Variants in ITGB3BP observed in about 807,000 individuals in gnomAD.
The protein encoded by ITGB3BP is centromere protein R.
Under a neutral mutation model 29.1 loss-of-function variants are expected in ITGB3BP, and 27 were observed. The observed-to-expected ratio is 0.93, with a 90% CI of 0.68 to 1.28. The LOEUF (loss-of-function observed/expected upper bound fraction) is 1.28, where lower values mean the gene tolerates loss of function less well. ITGB3BP is among the 50% of genes most tolerant of loss of function. The pLI, the probability that ITGB3BP is intolerant of heterozygous loss-of-function variation, is 0.00. For missense variants in ITGB3BP, 192 were observed against 200.2 expected, an observed-to-expected ratio of 0.96 and a Z score of 0.25; for synonymous variants, 61 against 61.4, an observed-to-expected ratio of 0.99 and a Z score of 0.03.
chr1:63,445,437 A>G (rs1232592622), intron 8 of ITGB3BP, among the ~76,000 whole-genome samples: 1 of 152,226 alleles, frequency 6.6e-6, no homozygotes, highest in African/African-American at 2.4e-5. Context: ...TCTATATAAG[A>G]TGCTTTGCAA....
intron 4 of ITGB3BP, among the ~76,000 whole-genome samples, chr1:63,467,925 TAA>T (rs1232353854): frequency 6.6e-6 from 1 of 152,188 alleles, no homozygotes; most frequent in African/African-American, 2.4e-5. Context: ...ATTTATCTTT[TAA>T]GACAAAAAGG....
rs61766978 is a variant in ITGB3BP at position 63,473,407 on chromosome 1, C to A, written c.254+5357G>T. 2.7e-5 allele frequency among the ~76,000 whole-genome samples: 3 copies of A among 112,070 alleles called. No homozygotes were observed. In the East Asian group the frequency reaches 9.1e-4, roughly 34 times the overall value. The allele number at this position is 112,070 out of a possible 152,430, so 73.5% of individuals were successfully genotyped here. The stretch of plus-strand genomic sequence containing the variant: ...CCGGGAGGTGAGGGGCTCCTCTGCC[C>A]GGCCGCCCCTACTGGGAAGTGAGGA... On this transcript the variant is annotated intron_variant, in intron 4 of 8. Transcript: ENST00000271002.
intron 2 of ITGB3BP, among the ~76,000 whole-genome samples, chr1:63,493,398 C>T (rs1349664553): frequency 1.3e-5 from 2 of 151,168 alleles, no homozygotes; most frequent in Non-Finnish European, 2.9e-5. Context: ...CTGGGCGACA[C>T]AGGGAGATTC....
chr1:63,459,789 T>C (rs983818115), intron 4 of ITGB3BP, among the ~76,000 whole-genome samples: 5 of 152,266 alleles, frequency 3.3e-5, no homozygotes, highest in African/African-American at 9.6e-5. Context: ...TCAACCATTA[T>C]ATAATATTTC....
At chr1:63,525,554 T>A (rs764254810), upstream of ITGB3BP, 44 of 1,455,552 alleles carry the variant, frequency 3.0e-5, 1 homozygote, top group South Asian at 5.3e-4. Flanking sequence ...AACACATTTT[T>A]AAATTATTTT....
chr1:63,512,927 C>A (rs1258746516), intron 1 of ITGB3BP, among the ~76,000 whole-genome samples: 1 of 152,162 alleles, frequency 6.6e-6, no homozygotes, highest in African/African-American at 2.4e-5. Context: ...TTGACCTGGA[C>A]ATTTTTCAAG....
rs560390217 is a variant in ITGB3BP, at chr1:63,500,780, C to A, written c.48+7748G>T. 3.9e-5 allele frequency among the ~76,000 whole-genome samples: 6 copies of A among 152,136 alleles called. No homozygotes were observed. The South Asian group carries it at 1.2e-3, about 32-fold the overall frequency. ...CTTTTTTTTTCCAGAAGTGGACTAA[C>A]TGATCCCAAAATTCATATGGAATTA... On this transcript the variant is annotated intron_variant, in intron 2 of 8. Transcript: ENST00000271002.
At chr1:63,451,203 A>T (rs1407974703) in intron 7 of ITGB3BP, among the ~76,000 whole-genome samples, 1 of 151,568 alleles carries the variant, frequency 6.6e-6, no homozygotes, top group East Asian at 1.9e-4. Context: ...AGACCAAAAA[A>T]CAAACAAACA....
At chr1:63,517,385 A>T (rs1042935575) in intron 1 of ITGB3BP, among the ~76,000 whole-genome samples, 1 of 151,396 alleles carries the variant, frequency 6.6e-6, no homozygotes, top group African/African-American at 2.4e-5. Context: ...TAATAATAAA[A>T]AAATAAAAAT....
At chr1:63,468,178 T>A (rs1417234436) in intron 4 of ITGB3BP, among the ~76,000 whole-genome samples, 1 of 152,188 alleles carries the variant, frequency 6.6e-6, no homozygotes, top group African/African-American at 2.4e-5. Flanking sequence ...TGAGAAGTAG[T>A]CTCTTTTCCT....
At chr1:63,514,699 T>C (rs1557656344) in intron 1 of ITGB3BP, among the ~76,000 whole-genome samples, 1 of 152,032 alleles carries the variant, frequency 6.6e-6, no homozygotes, top group African/African-American at 2.4e-5. Context: ...TCTAATCCCA[T>C]CACTTTGGGA....
chr1:63,515,234 G>A (rs746449107), intron 1 of ITGB3BP, among the ~76,000 whole-genome samples: 40 of 151,876 alleles, frequency 2.6e-4, no homozygotes, highest in Non-Finnish European at 5.4e-4. Context: ...TTCCCCACTG[G>A]GTATGCCAGC....
At chr1:63,518,759 AT>A (rs1362623905) in intron 1 of ITGB3BP, among the ~76,000 whole-genome samples, 2 of 151,672 alleles carry the variant, frequency 1.3e-5, no homozygotes, top group Non-Finnish European at 2.9e-5. Context: ...GTTGTTTTCT[AT>A]TTGTCCCATC....
chr1:63,451,984 T>C (rs1644866525), intron 7 of ITGB3BP: 1 of 152,108 alleles, frequency 6.6e-6, no homozygotes, highest in Non-Finnish European at 1.5e-5. Flanking sequence ...TTTACAAACA[T>C]GGTTTAGTGA....
At chr1:63,489,988 G>T in intron 3 of ITGB3BP, 95 bp downstream of exon 3, 1 of 1,042,712 alleles carries the variant, frequency 9.6e-7, no homozygotes, top group South Asian at 1.5e-5. Context: ...AGAAAAATCA[G>T]CTGTAGCAAG....
At chr1:63,450,481 T>C (rs1644847322) in intron 7 of ITGB3BP, among the ~76,000 whole-genome samples, 1 of 151,980 alleles carries the variant, frequency 6.6e-6, no homozygotes, top group South Asian at 2.1e-4. Flanking sequence ...TGCCATCTAT[T>C]GACTAAGGAA....
At chr1:63,464,618 G>A (rs769292152) in intron 4 of ITGB3BP, among the ~76,000 whole-genome samples, 1 of 152,270 alleles carries the variant, frequency 6.6e-6, no homozygotes, top group Admixed American at 6.5e-5. Flanking sequence ...AATCATCAAT[G>A]TATGTTAAAA....
intron 2 of ITGB3BP, among the ~76,000 whole-genome samples, chr1:63,492,993 C>T (rs753994308): frequency 1.6e-4 from 25 of 151,942 alleles, no homozygotes; most frequent in South Asian, 4.2e-4. Flanking sequence ...TGCCTGTGGT[C>T]CCAGCTACTC....
chr1:63,458,851 C>T (rs1644972557), intron 4 of ITGB3BP, among the ~76,000 whole-genome samples: 1 of 152,122 alleles, frequency 6.6e-6, no homozygotes. Flanking sequence ...GGTCCAGTGA[C>T]CATCCATCCC....
Sources: allele counts gnomAD v4.1 joint callset (sites outside exome capture counted in the v4.1 genomes callset), GRCh38; gene constraint gnomAD v4.1.1; transcripts MANE v1.5; gene names NCBI Gene and HGNC (gene_info 2026-07-23, HGNC 2026-07-21).